The following CENPF variants were observed in gnomAD, a reference collection of about 807,000 sequenced individuals.
The protein encoded by CENPF is AH antigen.
In CENPF, 214 loss-of-function variants were observed where a neutral mutation model predicts 307.3. That is an observed-to-expected ratio of 0.70 (90% CI 0.62 to 0.78). The LOEUF (loss-of-function observed/expected upper bound fraction) is 0.78, where lower values mean the gene tolerates loss of function less well. Among genes scored for constraint, CENPF ranks in the 30% least tolerant of loss-of-function variants. The pLI is 0.00. For missense variants in CENPF, 3,401 were observed against 3,483.9 expected (o/e 0.98, Z 0.60); for synonymous variants, 1,259 against 1,270.6 (o/e 0.99, Z 0.19).
Position 214,646,512 on chromosome 1 carries a change from A to G in CENPF, c.6942A>G (p.Glu2314=), listed in dbSNP as rs1181754273. 1 of 1,614,156 alleles carries G rather than the reference A, an allele frequency of 6.2e-7. No individual in the cohort carries two copies. The highest frequency in any genetic ancestry group is 8.5e-7 in the Non-Finnish European group (1 of 1,180,002). The change falls in exon 13 of 20, where the codon GAA becomes GAG. Residue 2314 remains glutamate (E), a synonymous_variant. Coordinates refer to ENST00000366955, the MANE Select transcript of CENPF (RefSeq NM_016343.4). ...TGAGAGCCCGCCTAGAAGCTGATGAAAAGAAGCAGCTCTGTGTCTTACAAC... is the reference window on the plus strand; with the variant it reads ...TGAGAGCCCGCCTAGAAGCTGATGAGAAGAAGCAGCTCTGTGTCTTACAAC... ...EKLRARLEAD[E]KKQLCVLQQL...
At chr1:214,603,536 C>T in intron 1 of CENPF, 1 of 152,252 alleles carries the variant, frequency 6.6e-6, no homozygotes, top group South Asian at 2.1e-4. Flanking sequence ...TGTCTGCGCC[C>T]TTCTGCTCGG....
chr1:214,642,439 T>G lies in CENPF; in HGVS notation c.4101T>G (p.Gly1367=), dbSNP rs1558183860. The G allele has an allele frequency of 1.3e-5, 21 of 1,594,966 alleles. No homozygotes were observed. In the South Asian group the frequency reaches 2.4e-4, roughly 18 times the overall value. The stretch of plus-strand genomic sequence containing the variant: ...AGTTAGTGGAAGACATACCAGGAGG[T>G]GAATTTGGTGAACAACCAAATGAAC... ...HGELVEDIPG[G]EFGEQPNEQH... is the part of the protein sequence containing the mutation. Residue 1367 remains glycine, a synonymous_variant, in exon 12 of 20, where the codon GGT becomes GGG. Coordinates refer to ENST00000366955, the MANE Select transcript of CENPF (RefSeq NM_016343.4).
chr1:214,625,880 AGAATT>A (rs1657641347), intron 7 of CENPF, among the ~76,000 whole-genome samples: 1 of 152,172 alleles, frequency 6.6e-6, no homozygotes, highest in Non-Finnish European at 1.5e-5. Flanking sequence ...CATTTATAAT[AGAATT>A]GTCTTAAATG....
chr1:214,645,170 A>T lies in CENPF; in HGVS notation c.5600A>T (p.Asn1867Ile), dbSNP rs1367731077. 6.2e-7 allele frequency: 1 copy of T among 1,614,050 alleles called. No homozygotes were observed. The highest frequency in any genetic ancestry group is 1.3e-5 in the African/African-American group (1 of 75,062). Reference protein sequence around the residue: ...LQRVETSEGLNSDLEMHADKS... With the variant: ...LQRVETSEGLISDLEMHADKS... ...AGAGTAGAAACTTCTGAAGGCCTCA[A>T]TTCTGATTTAGAAATGCATGCAGAT... The change falls in exon 13 of 20, where the codon AAT (asparagine) becomes ATT (isoleucine). Residue 1867 changes from asparagine (N) to isoleucine (I), a missense_variant. By Grantham distance (149) the Asn-to-Ile change is moderately radical (BLOSUM62 -3). Coordinates refer to ENST00000366955, the MANE Select transcript of CENPF (RefSeq NM_016343.4).
chr1:214,608,546 C>T (rs1657103549), intron 1 of CENPF: 6 of 1,611,596 alleles, frequency 3.7e-6, no homozygotes, highest in Admixed American at 3.3e-5. Context: ...ATGCAGGAGA[C>T]GCGGTTGCGG....
At position 214,657,411 on chromosome 1, in the gene CENPF, T is replaced by A; in HGVS notation, c.8962+2T>A. The stretch of plus-strand genomic sequence containing the variant: ...GACTTCCAGAAGTTGTAAAGAAAGG[T>A]ATGCCTAATTTAAAGACAAAATTAT... On this transcript the variant is annotated splice_donor_variant, in intron 18 of 19. Transcript: ENST00000366955. LOFTEE classifies it high-confidence loss of function. 3 of 1,581,846 alleles carry A rather than the reference T, an allele frequency of 1.9e-6. No homozygotes were observed. The highest frequency in any genetic ancestry group is 2.6e-6 in the Non-Finnish European group (3 of 1,161,410).
Position 214,637,941 on chromosome 1 carries a change from GA to G in CENPF, c.1524del (p.Glu508AspfsTer9). On this transcript the variant is annotated frameshift_variant, in exon 11 of 20. Transcript: ENST00000366955. LOFTEE classifies it high-confidence loss of function. ...CAGAGAAGTCTGCCACCTGGAGGCA[GA>G]ACTCAAGAACATCAAACAGTGTTTA... The part of the protein sequence containing the change: ...KAREVCHLEA[E>X]LKNIKQCLNQ... 1 of 1,613,648 alleles carries G rather than the reference GA, an allele frequency of 6.2e-7. No homozygotes were observed. Among genetic ancestry groups the G allele is most frequent in the Non-Finnish European group, 8.5e-7 (1 of 1,179,910 alleles).
chr1:214,647,318 T>C lies in CENPF; in HGVS notation c.7748T>C (p.Leu2583Ser), dbSNP rs1182012362. Residue 2583 changes from leucine (L) to serine (S), a missense_variant, in exon 13 of 20, where the codon TTA becomes TCA. Physicochemically the swap from Leu to Ser is moderately radical, Grantham distance 145 (BLOSUM62 -2). Coordinates refer to ENST00000366955, the MANE Select transcript of CENPF (RefSeq NM_016343.4). Reference sequence around the variant, plus strand: ...AAAAATGCCTCTTTGCAGGACACATTAGAAGTGCTGCAGAGTTCTTACAAG... The same window carrying C: ...AAAAATGCCTCTTTGCAGGACACATCAGAAGTGCTGCAGAGTTCTTACAAG... ...QSKNASLQDT[L>S]EVLQSSYKNL... The C allele has an allele frequency of 3.7e-6, 6 of 1,613,994 alleles. No individual in the cohort carries two copies. The South Asian group carries it at 5.5e-5, about 15-fold the overall frequency.
At chr1:214,632,440 G>A in intron 9 of CENPF, 40 bp from the exon 10 acceptor site, 1 of 1,595,796 alleles carries the variant, frequency 6.3e-7, no homozygotes, top group Non-Finnish European at 8.5e-7. Context: ...AAAAAGTAAA[G>A]AACATGAAAA....
rs113386412 is a variant in CENPF at position 214,634,361 on chromosome 1, T to C, written c.1446+1759T>C. Among the ~76,000 whole-genome samples the C allele has an allele frequency of 3.3e-3, 498 of 152,344 alleles. 5 individuals are homozygous for C. Among genetic ancestry groups the C allele is most frequent in the African/African-American group, 0.011 (470 of 41,572 alleles). On this transcript the variant is annotated intron_variant, in intron 10 of 19. Transcript: ENST00000366955. ...ATTGGGATTGGGACCAGATAACTGA[T>C]GAACCCAGTTAGAGTGGTGGTGTAA...
chr1:214,620,351 A>G (rs975218870), intron 5 of CENPF, among the ~76,000 whole-genome samples: 11 of 152,222 alleles, frequency 7.2e-5, no homozygotes, highest in African/African-American at 2.7e-4. Context: ...ATGAAAGTGA[A>G]TACTCACATA....
Position 214,645,986 on chromosome 1 carries a change from C to T in CENPF, c.6416C>T (p.Ala2139Val), listed in dbSNP as rs748407792. ...EADEKKQLHIAEKLKEREREN... is the reference protein window; with the variant it reads ...EADEKKQLHIVEKLKEREREN... Reference sequence around the variant, plus strand: ...GATGAAAAGAAGCAGCTGCACATCGCAGAGAAACTGAAAGAACGCGAGCGG... The same window carrying T: ...GATGAAAAGAAGCAGCTGCACATCGTAGAGAAACTGAAAGAACGCGAGCGG... The change falls in exon 13 of 20, where the codon GCA (alanine) becomes GTA (valine). Residue 2139 changes from alanine to valine, a missense_variant. Ala to Val is a moderately conservative substitution (Grantham distance 64, BLOSUM62 0). Coordinates refer to ENST00000366955, the MANE Select transcript of CENPF (RefSeq NM_016343.4). The T allele has an allele frequency of 3.1e-6, 5 of 1,613,862 alleles. No homozygotes were observed. In the African/African-American group the frequency reaches 6.7e-5, roughly 22 times the overall value.
chr1:214,608,132 C>G (rs1296187096), intron 1 of CENPF, among the ~76,000 whole-genome samples: 1 of 152,222 alleles, frequency 6.6e-6, no homozygotes, highest in African/African-American at 2.4e-5. Context: ...ACACCTCAGC[C>G]ATGTGGAGGC....
chr1:214,644,511 C>A, intron 12 of CENPF, 46 bp from the exon 13 acceptor site: 2 of 1,503,586 alleles, frequency 1.3e-6, no homozygotes, highest in South Asian at 1.4e-5. Flanking sequence ...TATTTTGATT[C>A]TTTTTGAAAA....
intron 15 of CENPF, 143 bp downstream of exon 15, chr1:214,652,029 C>T (rs963429247): frequency 8.9e-6 from 5 of 562,594 alleles, no homozygotes; most frequent in African/African-American, 2.0e-5. Flanking sequence ...ATTAACTTCA[C>T]GATCTTTTCC....
chr1:214,654,599 A>G (rs1040621107), intron 16 of CENPF, among the ~76,000 whole-genome samples: 15 of 152,084 alleles, frequency 9.9e-5, no homozygotes, highest in African/African-American at 3.1e-4. Context: ...TAATAAAGAC[A>G]TGAACACCTT....
At chr1:214,606,360 T>G (rs1294586678) in intron 1 of CENPF, among the ~76,000 whole-genome samples, 1 of 152,150 alleles carries the variant, frequency 6.6e-6, no homozygotes, top group Non-Finnish European at 1.5e-5. Flanking sequence ...GGAGTGGCCC[T>G]GGGGCGGAGG....
At chr1:214,655,542 C>T in intron 17 of CENPF, 139 bp downstream of exon 17, 1 of 722,380 alleles carries the variant, frequency 1.4e-6, no homozygotes, top group Non-Finnish European at 2.0e-6. Context: ...AATCCATTTT[C>T]CAATTTCTGA....
chr1:214,657,534 A>T (rs1223312326), intron 18 of CENPF, 125 bp downstream of exon 18: 1 of 693,396 alleles, frequency 1.4e-6, no homozygotes, highest in Non-Finnish European at 2.4e-6. Context: ...TGACGTTCAT[A>T]AGCAATAGTC....
Sources: allele counts gnomAD v4.1 joint callset (sites outside exome capture counted in the v4.1 genomes callset), GRCh38; gene constraint gnomAD v4.1.1; transcripts MANE v1.5; gene names NCBI Gene and HGNC (gene_info 2026-07-23, HGNC 2026-07-21).